IQCM: variants seen among roughly 807,000 people sequenced by gnomAD.
IQCM encodes the protein IQ domain-containing protein M.
Under a neutral mutation model 57.6 loss-of-function variants are expected in IQCM, and 45 were observed. The ratio of observed to expected loss-of-function variants is 0.78; its 90% confidence interval spans 0.62 to 1.00. The LOEUF (loss-of-function observed/expected upper bound fraction) is 1.00. Ranked by LOEUF, IQCM falls within the 50% of genes least tolerant of loss-of-function variation. The pLI is 0.00. For synonymous variants in IQCM, 148 were observed against 158.9 expected (o/e 0.93, Z 0.51); for missense variants, 468 against 511.6 (o/e 0.91, Z 0.82).
intron 13 of IQCM, among the ~76,000 whole-genome samples, chr4:149,374,874 G>C (rs747533538): frequency 2.0e-5 from 3 of 151,710 alleles, no homozygotes; most frequent in Non-Finnish European, 4.4e-5. Flanking sequence ...CTGATACTTG[G>C]CTTTTGCTAT....
intron 13 of IQCM, among the ~76,000 whole-genome samples, chr4:149,398,987 A>G (rs370894518): frequency 1.3e-5 from 2 of 152,074 alleles, no homozygotes; most frequent in Non-Finnish European, 2.9e-5. Context: ...TTCCTGCCTC[A>G]GCCTCCCAAA....
At chr4:149,548,990 T>G (rs1157158849) in intron 11 of IQCM, among the ~76,000 whole-genome samples, 1 of 152,230 alleles carries the variant, frequency 6.6e-6, no homozygotes, top group Non-Finnish European at 1.5e-5. Flanking sequence ...TTACTCACAT[T>G]CTAACTACTT....
intron 2 of IQCM, among the ~76,000 whole-genome samples, chr4:149,753,324 C>G: frequency 6.6e-6 from 1 of 151,932 alleles, no homozygotes; most frequent in Non-Finnish European, 1.5e-5. Context: ...AGGAAACCAT[C>G]TCTCTAAAAA....
At chr4:149,740,060 G>T (rs1767313065) in intron 3 of IQCM, among the ~76,000 whole-genome samples, 1 of 152,148 alleles carries the variant, frequency 6.6e-6, no homozygotes, top group Non-Finnish European at 1.5e-5. Context: ...AGACCCAGGG[G>T]CTTAAAAACA....
chr4:149,685,639 C>A (rs963205044), intron 6 of IQCM, among the ~76,000 whole-genome samples: 1 of 151,406 alleles, frequency 6.6e-6, no homozygotes, highest in African/African-American at 2.4e-5. Context: ...TGTAGCTGTG[C>A]CAATTACCCC....
intron 12 of IQCM, among the ~76,000 whole-genome samples, chr4:149,493,884 C>CA (rs34989034): frequency 1.6e-4 from 23 of 146,538 alleles, no homozygotes; most frequent in African/African-American, 5.8e-4. Flanking sequence ...CTGGAAATGA[C>CA]AAAAAAAAAA....
At chr4:149,491,815 T>G (rs1742124856) in intron 12 of IQCM, among the ~76,000 whole-genome samples, 1 of 152,050 alleles carries the variant, frequency 6.6e-6, no homozygotes, top group African/African-American at 2.4e-5. Context: ...AGTTTTAATT[T>G]TGTGAGGCAT....
In IQCM at chr4:149,545,590, G is replaced by T. The variant is rs538396106; in HGVS notation, c.1228+2865C>A. The stretch of plus-strand genomic sequence containing the variant: ...ATGGAATCTTTGTACATTGTTGGTA[G>T]AATATAGATTGGTACACCCATTATG... On this transcript the variant is annotated intron_variant, in intron 12 of 13. Coordinates refer to ENST00000636793, the MANE Select transcript of IQCM (RefSeq NM_001363507.2). Among the ~76,000 whole-genome samples, 41 of 152,192 alleles carry T rather than the reference G, an allele frequency of 2.7e-4. No homozygotes were observed. In the South Asian group the frequency reaches 7.5e-3, roughly 28 times the overall value.
At chr4:149,619,404 A>C (rs1004008490) in intron 8 of IQCM, among the ~76,000 whole-genome samples, 3 of 152,072 alleles carry the variant, frequency 2.0e-5, no homozygotes, top group Non-Finnish European at 4.4e-5. Context: ...TGGCAGCTAC[A>C]CTGGAAGCCC....
At chr4:149,668,516 G>A (rs1055837372) in intron 7 of IQCM, among the ~76,000 whole-genome samples, 1 of 152,104 alleles carries the variant, frequency 6.6e-6, no homozygotes, top group Non-Finnish European at 1.5e-5. Context: ...CAGGGCAGCG[G>A]GGGGCAAGGG....
chr4:149,463,045 G>A (rs1225070142), intron 12 of IQCM, among the ~76,000 whole-genome samples: 8 of 152,148 alleles, frequency 5.3e-5, no homozygotes, highest in African/African-American at 1.7e-4. Flanking sequence ...GTAAGAACTT[G>A]TAAAAATAGC....
intron 13 of IQCM, among the ~76,000 whole-genome samples, chr4:149,386,259 G>A (rs921638111): frequency 1.3e-5 from 2 of 152,062 alleles, no homozygotes; most frequent in Admixed American, 6.6e-5. Flanking sequence ...TGCCAGTGGA[G>A]AGAGAAGAAT....
intron 5 of IQCM, chr4:149,690,764 C>T (rs1324396066): frequency 6.6e-6 from 1 of 152,038 alleles, no homozygotes; most frequent in African/African-American, 2.4e-5. Flanking sequence ...GGTTAGCATT[C>T]CTTGTGAATT....
Position 149,510,779 on chromosome 4 carries a change from T to A in IQCM, c.1228+37676A>T, listed in dbSNP as rs1744323402. 2.0e-5 allele frequency among the ~76,000 whole-genome samples: 3 copies of A among 152,190 alleles called. No individual in the cohort carries two copies. The East Asian group carries it at 5.8e-4, about 29-fold the overall frequency. On this transcript the variant is annotated intron_variant, in intron 12 of 13. Transcript: ENST00000636793. ...ATTTTTCTCATAATTAGACTGGGGT[T>A]ATGTGTTTGTAGATATAGTGTCATA...
chr4:149,438,299 T>A (rs1229124390), intron 12 of IQCM, among the ~76,000 whole-genome samples: 1 of 152,116 alleles, frequency 6.6e-6, no homozygotes, highest in East Asian at 1.9e-4. Context: ...TTGTGAATGT[T>A]ATGCATTCAC....
intron 12 of IQCM, among the ~76,000 whole-genome samples, chr4:149,523,790 A>G (rs1396745499): frequency 6.6e-6 from 1 of 152,144 alleles, no homozygotes; most frequent in Non-Finnish European, 1.5e-5. Context: ...GTTCCAAATA[A>G]GAATTCTGGA....
intron 12 of IQCM, among the ~76,000 whole-genome samples, chr4:149,518,117 G>T (rs1745180295): frequency 6.6e-6 from 1 of 152,096 alleles, no homozygotes; most frequent in Non-Finnish European, 1.5e-5. Flanking sequence ...AAGCGACATG[G>T]CCAAGCCCAA....
chr4:149,706,508 A>G (rs891368313), intron 5 of IQCM, among the ~76,000 whole-genome samples: 3 of 151,988 alleles, frequency 2.0e-5, no homozygotes, highest in Non-Finnish European at 2.9e-5. Flanking sequence ...CATTGATGTT[A>G]CCTGCTGATC....
chr4:149,773,105 A>G (rs994671409), intron 2 of IQCM, among the ~76,000 whole-genome samples: 2 of 152,186 alleles, frequency 1.3e-5, no homozygotes, highest in South Asian at 2.1e-4. Flanking sequence ...TAATCCCAGC[A>G]CTTTGGGAGG....
Sources: allele counts gnomAD v4.1 joint callset (sites outside exome capture counted in the v4.1 genomes callset), GRCh38; gene constraint gnomAD v4.1.1; transcripts MANE v1.5; gene names NCBI Gene and HGNC (gene_info 2026-07-23, HGNC 2026-07-21).